SLC25A26: variants seen among roughly 807,000 people sequenced by gnomAD.
SLC25A26 encodes solute carrier family 25 member 26.
In SLC25A26, 36 loss-of-function variants were observed where a neutral mutation model predicts 37.8. That is an observed-to-expected ratio of 0.95 (90% confidence interval 0.73 to 1.26). The LOEUF is 1.26. Ranked by LOEUF, SLC25A26 falls within the 50% of genes most tolerant of loss-of-function variation. The pLI is 0.00. For missense variants in SLC25A26, 390 were observed against 331.1 expected, an observed-to-expected ratio of 1.18 and a Z score of -1.38; for synonymous variants, 129 against 122.5, an observed-to-expected ratio of 1.05 and a Z score of -0.35.
chr3:66,239,756 G>C (rs2072477469), intron 2 of SLC25A26, among the ~76,000 whole-genome samples: 1 of 150,520 alleles, frequency 6.6e-6, no homozygotes, highest in Non-Finnish European at 1.5e-5. Flanking sequence ...TGCAGGAAGT[G>C]TGAAGTTTTC....
chr3:66,309,618 T>C (rs981314714), intron 5 of SLC25A26, among the ~76,000 whole-genome samples: 7 of 152,350 alleles, frequency 4.6e-5, no homozygotes, highest in African/African-American at 1.4e-4. Context: ...TTTAGATCTT[T>C]CCCACTTTCG....
Position 66,256,364 on chromosome 3 carries a change from T to C in SLC25A26, c.301-5687T>C, listed in dbSNP as rs1462262436. Among the ~76,000 whole-genome samples, 5 of 152,320 alleles carry C rather than the reference T, an allele frequency of 3.3e-5. No individual in the cohort carries two copies. In the South Asian group the frequency reaches 1.0e-3, roughly 32 times the overall value. ...GCTGATAGGTTGCCATCTAAAAGCA[T>C]ATTTTAAATTAGCCCTTTTATTTTA... On this transcript the variant is annotated intron_variant, in intron 3 of 9. Coordinates refer to ENST00000354883, the MANE Select transcript of SLC25A26 (RefSeq NM_001379210.1).
chr3:66,266,958 G>A (rs1270386852), intron 5 of SLC25A26, among the ~76,000 whole-genome samples: 3 of 152,160 alleles, frequency 2.0e-5, no homozygotes, highest in Non-Finnish European at 2.9e-5. Flanking sequence ...TGTTTCAAAA[G>A]AAGTGGGAAT....
intron 1 of SLC25A26, among the ~76,000 whole-genome samples, chr3:66,161,998 A>G (rs2070365975): frequency 6.6e-6 from 1 of 152,236 alleles, no homozygotes; most frequent in East Asian, 1.9e-4. Flanking sequence ...GGGCTGCCAT[A>G]ACAAAGTACT....
chr3:66,370,476 G>A, intron 8 of SLC25A26, 53 bp from the exon 9 acceptor site: 1 of 1,410,864 alleles, frequency 7.1e-7, no homozygotes, highest in Non-Finnish European at 1.0e-6. Context: ...AGAGGCAAGT[G>A]TGTGATTGGG....
chr3:66,161,535 C>T (rs981772952), intron 1 of SLC25A26, among the ~76,000 whole-genome samples: 5 of 152,136 alleles, frequency 3.3e-5, no homozygotes, highest in African/African-American at 1.2e-4. Flanking sequence ...GGGAAATGTT[C>T]GGAATCTGTG....
intron 5 of SLC25A26, among the ~76,000 whole-genome samples, chr3:66,272,038 A>G (rs2073978174): frequency 6.6e-6 from 1 of 152,146 alleles, no homozygotes; most frequent in African/African-American, 2.4e-5. Context: ...TACTTCTTAT[A>G]TTGATATATT....
chr3:66,277,189 G>T (rs767923688), intron 5 of SLC25A26, among the ~76,000 whole-genome samples: 15 of 152,046 alleles, frequency 9.9e-5, no homozygotes, highest in Non-Finnish European at 2.1e-4. Flanking sequence ...CAGCTCTTGA[G>T]CAGTATTGTT....
chr3:66,247,803 C>A (rs1043031654), intron 3 of SLC25A26, among the ~76,000 whole-genome samples: 1 of 151,980 alleles, frequency 6.6e-6, no homozygotes, highest in African/African-American at 2.4e-5. Context: ...TTTTTAGTAA[C>A]CTGTTTTAGT....
chr3:66,202,563 C>A (rs1040763491), intron 1 of SLC25A26, among the ~76,000 whole-genome samples: 28 of 141,718 alleles, frequency 2.0e-4, no homozygotes, highest in East Asian at 1.2e-3. Context: ...AGAAAAAAAT[C>A]TATTGGCAAA....
chr3:66,138,724 G>A (rs899027810), intron 1 of SLC25A26, among the ~76,000 whole-genome samples: 3 of 152,074 alleles, frequency 2.0e-5, no homozygotes, highest in African/African-American at 7.2e-5. Context: ...ATGGGAGAGA[G>A]CCAGAGGTTC....
intron 1 of SLC25A26, among the ~76,000 whole-genome samples, chr3:66,196,691 A>G (rs1210768922): frequency 7.5e-6 from 1 of 132,736 alleles, no homozygotes; most frequent in Non-Finnish European, 1.6e-5. Flanking sequence ...TATGTGAATT[A>G]ACTGCAATAA....
At chr3:66,158,387 C>A (rs1034661417) in intron 1 of SLC25A26, among the ~76,000 whole-genome samples, 9 of 152,004 alleles carry the variant, frequency 5.9e-5, no homozygotes, top group Non-Finnish European at 1.2e-4. Flanking sequence ...CATTTTTTGG[C>A]TATTATGAAT....
intron 3 of SLC25A26, among the ~76,000 whole-genome samples, chr3:66,245,194 C>T (rs2072772216): frequency 6.6e-6 from 1 of 150,836 alleles, no homozygotes; most frequent in African/African-American, 2.4e-5. Flanking sequence ...AGGCATGACC[C>T]ACTGTGCCTG....
chr3:66,154,540 C>CTTTTTTTTT (rs60639995), intron 1 of SLC25A26, among the ~76,000 whole-genome samples: 11 of 130,390 alleles, frequency 8.4e-5, no homozygotes, highest in African/African-American at 1.2e-4. Flanking sequence ...TTCTTTTTTT[C>CTTTTTTTTT]TTTTTTTTTT....
At chr3:66,183,781 A>G (rs1054678903) in intron 1 of SLC25A26, among the ~76,000 whole-genome samples, 3 of 151,958 alleles carry the variant, frequency 2.0e-5, no homozygotes, top group Non-Finnish European at 4.4e-5. Flanking sequence ...ACGTGATGCT[A>G]AATAAGCACC....
chr3:66,366,811 G>T (rs770837567), intron 7 of SLC25A26, among the ~76,000 whole-genome samples: 1 of 152,118 alleles, frequency 6.6e-6, no homozygotes, highest in Non-Finnish European at 1.5e-5. Context: ...GTAGTGGAAC[G>T]AGCATTACTT....
intron 6 of SLC25A26, among the ~76,000 whole-genome samples, chr3:66,362,041 G>A (rs1575609972): frequency 6.6e-6 from 1 of 152,084 alleles, no homozygotes; most frequent in Non-Finnish European, 1.5e-5. Flanking sequence ...ATTTTAAAAT[G>A]GTGATGATAA....
chr3:66,138,970 G>A (rs917230577), intron 1 of SLC25A26, among the ~76,000 whole-genome samples: 1 of 152,130 alleles, frequency 6.6e-6, no homozygotes, highest in Non-Finnish European at 1.5e-5. Context: ...CACACTAACA[G>A]GAGTAGATTG....
Sources: gnomAD v4.1 joint callset for allele counts (sites outside exome capture counted in the v4.1 genomes callset) on GRCh38, gnomAD v4.1.1 for gene constraint, MANE v1.5 for transcripts, NCBI Gene and HGNC (gene_info 2026-07-23, HGNC 2026-07-21) for gene names.